PHACTR4: variants seen among roughly 807,000 people sequenced by gnomAD.
PHACTR4 encodes the protein protein phosphatase 1, regulatory subunit 124.
A neutral mutation model predicts 72.7 loss-of-function variants in PHACTR4; 51 were observed. The observed-to-expected ratio is 0.70, with a 90% CI of 0.56 to 0.89. PHACTR4 has a LOEUF of 0.89. Among genes scored for constraint, PHACTR4 ranks in the 40% least tolerant of loss-of-function variants. The probability of loss-of-function intolerance (pLI) is 0.00; values close to 1 mark genes in which losing one functional copy is unlikely to be tolerated. For missense variants in PHACTR4, 731 were observed against 861.8 expected, an observed-to-expected ratio of 0.85 and a Z score of 1.90; for synonymous variants, 255 against 302.5, an observed-to-expected ratio of 0.84 and a Z score of 1.63.
intron 1 of PHACTR4, among the ~76,000 whole-genome samples, chr1:28,403,434 G>T (rs1654081434): frequency 6.6e-6 from 1 of 152,108 alleles, no homozygotes; most frequent in Non-Finnish European, 1.5e-5. Context: ...TCCCTGAAAG[G>T]ATTGACAGTT....
At chr1:28,445,757 G>T (rs1557819441) in intron 2 of PHACTR4, among the ~76,000 whole-genome samples, 2 of 152,120 alleles carry the variant, frequency 1.3e-5, no homozygotes, top group Admixed American at 6.6e-5. Flanking sequence ...AGTCAGGTGT[G>T]GTGGTGCACA....
At chr1:28,442,333 G>A (rs530018693) in intron 2 of PHACTR4, among the ~76,000 whole-genome samples, 9 of 151,534 alleles carry the variant, frequency 5.9e-5, no homozygotes, top group East Asian at 2.0e-4. Context: ...GCATGGTGGC[G>A]CGTGCCTGTA....
intron 2 of PHACTR4, among the ~76,000 whole-genome samples, chr1:28,444,896 G>A (rs1289233974): frequency 2.0e-5 from 3 of 150,574 alleles, no homozygotes; most frequent in African/African-American, 7.3e-5. Flanking sequence ...CAAAGTGCTG[G>A]GATTACAGGT....
intron 1 of PHACTR4, among the ~76,000 whole-genome samples, chr1:28,373,144 A>G (rs1651370383): frequency 6.6e-6 from 1 of 152,060 alleles, no homozygotes; most frequent in Middle Eastern, 3.4e-3. Flanking sequence ...TTTTTTGTGG[A>G]CACGAGGTCT....
chr1:28,450,969 C>T (rs899049383), intron 2 of PHACTR4, among the ~76,000 whole-genome samples: 1 of 68,968 alleles, frequency 1.4e-5, no homozygotes, highest in Non-Finnish European at 3.1e-5. Flanking sequence ...TACCACCACA[C>T]CCAGCTTTTT....
At chr1:28,370,232 A>G (rs1442048938) in intron 1 of PHACTR4, among the ~76,000 whole-genome samples, 1 of 152,122 alleles carries the variant, frequency 6.6e-6, no homozygotes, top group East Asian at 1.9e-4. Flanking sequence ...GTCAAAGTAC[A>G]TTTTTCAAAA....
chr1:28,440,065 G>A (rs1656894204), intron 2 of PHACTR4, among the ~76,000 whole-genome samples: 1 of 152,060 alleles, frequency 6.6e-6, no homozygotes, highest in Admixed American at 6.6e-5. Flanking sequence ...ACGTTGGGAG[G>A]CCGAGGCAGG....
At chr1:28,458,101 T>C (rs1369171307) in intron 2 of PHACTR4, among the ~76,000 whole-genome samples, 3 of 108,384 alleles carry the variant, frequency 2.8e-5, no homozygotes, top group Non-Finnish European at 5.0e-5. Flanking sequence ...TATTATGGTG[T>C]GTGTGTTTGT....
chr1:28,490,837 C>T (rs1660992091), intron 10 of PHACTR4, 114 bp from the exon 11 acceptor site: 3 of 1,085,764 alleles, frequency 2.8e-6, no homozygotes, highest in Non-Finnish European at 2.7e-6. Flanking sequence ...GAGCAAAACT[C>T]CGTCTCAAAA....
chr1:28,490,776 G>A (rs963988380), intron 10 of PHACTR4, among the ~76,000 whole-genome samples, 175 bp from the exon 11 acceptor site: 1 of 151,612 alleles, frequency 6.6e-6, no homozygotes, highest in Non-Finnish European at 1.5e-5. Context: ...TCGGGAGGCC[G>A]AGGTTGCAGT....
chr1:28,428,230 C>T (rs1179165038), intron 2 of PHACTR4, among the ~76,000 whole-genome samples: 4 of 152,148 alleles, frequency 2.6e-5, no homozygotes, highest in Non-Finnish European at 5.9e-5. Flanking sequence ...CTTTTGCTCA[C>T]TTACTTTTTC....
In PHACTR4 at chr1:28,369,748, G is replaced by A. The variant is rs1377716102; in HGVS notation, c.-116G>A. 6 of 446,402 alleles carry A rather than the reference G, an allele frequency of 1.3e-5. No homozygotes were observed. Among genetic ancestry groups the A allele is most frequent in the Admixed American group, 1.2e-4 (5 of 40,590 alleles). The allele number at this position is 446,402 out of a possible 1,614,324, so 27.7% of individuals were successfully genotyped here. On this transcript the variant is annotated 5_prime_UTR_variant, in exon 1 of 14. Transcript: ENST00000373839. ...CCGGGGGCCAAGGGCTCCGGCTGCT[G>A]CCTGGCGGCCAACGGGCCAGGTAGG...
At chr1:28,484,520 GTATATATGTGTGTATGTGTA>G (rs1327505970) in intron 9 of PHACTR4, among the ~76,000 whole-genome samples, 3 of 150,886 alleles carry the variant, frequency 2.0e-5, no homozygotes, top group East Asian at 1.9e-4. Context: ...GTGTGTATGT[GTATATATGTGTGTATGTGTA>G]TATATATGTG....
chr1:28,450,415 A>T (rs2124441137), intron 2 of PHACTR4, among the ~76,000 whole-genome samples: 1 of 152,234 alleles, frequency 6.6e-6, no homozygotes, highest in Non-Finnish European at 1.5e-5. Context: ...TCTCTGTCAA[A>T]TTGGAAATTA....
intron 2 of PHACTR4, among the ~76,000 whole-genome samples, chr1:28,422,280 AAAT>A (rs2124344300): frequency 6.6e-6 from 1 of 152,340 alleles, no homozygotes; most frequent in Non-Finnish European, 1.5e-5. Flanking sequence ...CTTGGGGAAA[AAAT>A]AATAATTATA....
chr1:28,422,914 G>C (rs1655599104), intron 2 of PHACTR4, among the ~76,000 whole-genome samples: 1 of 152,196 alleles, frequency 6.6e-6, no homozygotes, highest in Non-Finnish European at 1.5e-5. Flanking sequence ...AGCCTCCCAA[G>C]TAGCTGGGAC....
At chr1:28,383,264 T>C (rs1313951295) in intron 1 of PHACTR4, among the ~76,000 whole-genome samples, 9 of 152,186 alleles carry the variant, frequency 5.9e-5, no homozygotes, top group Non-Finnish European at 7.3e-5. Context: ...ACTGTAGCCC[T>C]GTGGTATAGT....
intron 2 of PHACTR4, chr1:28,453,842 C>T (rs1318883076): frequency 3.4e-6 from 3 of 887,632 alleles, no homozygotes; most frequent in East Asian, 2.9e-5. Flanking sequence ...GCTTTTGAAG[C>T]TGTGGACAAA....
At chr1:28,433,459 T>G (rs1029579069) in intron 2 of PHACTR4, among the ~76,000 whole-genome samples, 1 of 134,172 alleles carries the variant, frequency 7.5e-6, no homozygotes, top group South Asian at 2.2e-4. Context: ...TTTTTCTTTT[T>G]TTCTTTTTTT....
Sources: gnomAD v4.1 joint callset for allele counts (sites outside exome capture counted in the v4.1 genomes callset) on GRCh38, gnomAD v4.1.1 for gene constraint, MANE v1.5 for transcripts, NCBI Gene and HGNC (gene_info 2026-07-23, HGNC 2026-07-21) for gene names.